Variants in WIPF1 observed in about 807,000 individuals in gnomAD.
WIPF1 encodes the protein WAS/WASL interacting protein family member 1.
In WIPF1, 13 loss-of-function variants were observed where a neutral mutation model predicts 35.4. The observed-to-expected ratio is 0.37, with a 90% confidence interval of 0.24 to 0.58. The LOEUF (loss-of-function observed/expected upper bound fraction) is 0.58. WIPF1 is among the 20% of genes least tolerant of loss of function. The pLI, the probability that WIPF1 is intolerant of heterozygous loss-of-function variation, is 0.74. For missense variants in WIPF1, 591 were observed against 667.0 expected (o/e 0.89, Z 1.25); for synonymous variants, 267 against 266.3 (o/e 1.00, Z -0.02).
chr2:174,564,814 TGC>T (rs1684594914), intron 7 of WIPF1, among the ~76,000 whole-genome samples: 2 of 94,986 alleles, frequency 2.1e-5, no homozygotes, highest in African/African-American at 3.8e-5. Context: ...CTTCTTCTGG[TGC>T]ACACACACAC....
intron 1 of WIPF1, chr2:174,665,222 T>C (rs1163355253): frequency 6.6e-6 from 1 of 152,196 alleles, no homozygotes; most frequent in African/African-American, 2.4e-5. Flanking sequence ...TCATTCTGGT[T>C]TTTTGCTCCT....
At chr2:174,664,402 A>G (rs1389309428) in intron 1 of WIPF1, among the ~76,000 whole-genome samples, 1 of 152,196 alleles carries the variant, frequency 6.6e-6, no homozygotes, top group African/African-American at 2.4e-5. Context: ...ACTTGAAACA[A>G]AGACTCCATT....
intron 1 of WIPF1, among the ~76,000 whole-genome samples, chr2:174,664,900 T>G (rs1206529968): frequency 6.6e-6 from 1 of 152,118 alleles, no homozygotes; most frequent in Non-Finnish European, 1.5e-5. Flanking sequence ...CCAAAAGTGC[T>G]GGAATTACAG....
intron 1 of WIPF1, among the ~76,000 whole-genome samples, chr2:174,621,374 G>C (rs1229228151): frequency 1.3e-5 from 2 of 152,184 alleles, no homozygotes; most frequent in Non-Finnish European, 2.9e-5. Context: ...TGAGGTATCA[G>C]AAAGTGAATG....
At chr2:174,651,228 G>A (rs1687526615) in intron 1 of WIPF1, among the ~76,000 whole-genome samples, 1 of 152,050 alleles carries the variant, frequency 6.6e-6, no homozygotes, top group African/African-American at 2.4e-5. Context: ...TCCTGTATAT[G>A]CTCAGATTAC....
chr2:174,605,436 TCAAA>T (rs540966942), intron 1 of WIPF1, among the ~76,000 whole-genome samples: 4 of 152,242 alleles, frequency 2.6e-5, no homozygotes, highest in Middle Eastern at 3.4e-3. Flanking sequence ...AGACTCTGTG[TCAAA>T]CAAACAAACA....
intron 1 of WIPF1, among the ~76,000 whole-genome samples, chr2:174,629,515 G>A (rs778372191): frequency 1.3e-5 from 2 of 152,154 alleles, no homozygotes; most frequent in Non-Finnish European, 2.9e-5. Flanking sequence ...TGGCAGAGGC[G>A]AAAGTAGGGA....
intron 1 of WIPF1, among the ~76,000 whole-genome samples, chr2:174,605,209 C>T (rs1465164026): frequency 2.0e-5 from 3 of 152,212 alleles, no homozygotes; most frequent in Non-Finnish European, 2.9e-5. Flanking sequence ...CAGAGGCAGG[C>T]GGATCACAAT....
At chr2:174,636,093 G>T (rs1687176881) in intron 1 of WIPF1, among the ~76,000 whole-genome samples, 1 of 152,172 alleles carries the variant, frequency 6.6e-6, no homozygotes, top group African/African-American at 2.4e-5. Flanking sequence ...GTACAATTTT[G>T]CCATCTTGGA....
In WIPF1 at chr2:174,561,643, T is replaced by C. The variant is rs2105782645; in HGVS notation, c.*904A>G. 6.2e-6 allele frequency: 1 copy of C among 160,996 alleles called. No individual in the cohort carries two copies. Among genetic ancestry groups the C allele is most frequent in the South Asian group, 1.6e-4 (1 of 6,104 alleles). The allele number at this position is 160,996 out of a possible 1,614,324, so 10.0% of individuals were successfully genotyped here. A position where few individuals can be genotyped will look rare whatever the true frequency, so the allele number is the denominator to read the frequency against. ...GAGGAAAATCGAAGGTCAAACTGTG[T>C]GTCAAACAAGGTGCTGGGTCCTAAT... On this transcript the variant is annotated 3_prime_UTR_variant, in exon 8 of 8. Transcript: ENST00000679041.
chr2:174,614,473 T>C (rs1023654186), intron 1 of WIPF1, among the ~76,000 whole-genome samples: 5 of 151,906 alleles, frequency 3.3e-5, no homozygotes, highest in Non-Finnish European at 7.4e-5. Flanking sequence ...AGAGAGAAAA[T>C]AGGCCTTGAG....
At chr2:174,632,174 C>T (rs1227152187) in intron 1 of WIPF1, among the ~76,000 whole-genome samples, 2 of 152,210 alleles carry the variant, frequency 1.3e-5, no homozygotes, top group Non-Finnish European at 2.9e-5. Flanking sequence ...ACTCCAGGTG[C>T]TCTCTACCAC....
chr2:174,598,290 G>A (rs1574823303), upstream of WIPF1: 7 of 152,144 alleles, frequency 4.6e-5, no homozygotes, highest in South Asian at 1.5e-3. Flanking sequence ...AGGCAAATGA[G>A]GTTCTTTTTT....
chr2:174,571,347 T>C lies in WIPF1; in HGVS notation c.1129+329A>G. 1.8e-6 allele frequency: 1 copy of C among 547,544 alleles called. No homozygotes were observed. Among genetic ancestry groups the C allele is most frequent in the Non-Finnish European group, 3.2e-6 (1 of 311,110 alleles). The allele number at this position is 547,544 out of a possible 1,614,324, so 33.9% of individuals were successfully genotyped here. On this transcript the variant is annotated intron_variant, in intron 5 of 7. Transcript: ENST00000679041. The surrounding 1 kb of genome is among the most constrained non-coding windows in gnomAD (Gnocchi z 4.6). ...CCCAATTAAGACCGCCGAAATTCTC[T>C]CTAGGGAGGCAGGGTAGTGGACTGG... is the stretch of plus-strand genomic sequence containing the variant.
At position 174,567,973 on chromosome 2, in the gene WIPF1, G is replaced by A. The variant is rs1334845649; in HGVS notation, c.1230C>T (p.Pro410=). 11 of 1,613,990 alleles carry A rather than the reference G, an allele frequency of 6.8e-6. No individual in the cohort carries two copies. The Admixed American group carries it at 1.8e-4, about 27-fold the overall frequency. The change falls in exon 6 of 8, where the codon CCC becomes CCT. Residue 410 remains proline, a synonymous_variant. Coordinates refer to ENST00000679041, the MANE Select transcript of WIPF1 (RefSeq NM_001375834.1). The part of the protein sequence containing the change: ...QLPSRSGVDS[P]RSGPRPPLPP... ...GAAGGGGAGGCCTGGGTCCACTCCT[G>A]GGACTGTCTACTCCACTCCTGGATG...
At chr2:174,594,149 A>T (rs1685721636) in intron 1 of WIPF1, among the ~76,000 whole-genome samples, 1 of 152,244 alleles carries the variant, frequency 6.6e-6, no homozygotes, top group Non-Finnish European at 1.5e-5. Context: ...ACGTCTGATT[A>T]GGTTGTCTTC....
chr2:174,668,493 G>A (rs1238692880), intron 1 of WIPF1, among the ~76,000 whole-genome samples: 2 of 152,128 alleles, frequency 1.3e-5, no homozygotes, highest in Non-Finnish European at 2.9e-5. Flanking sequence ...TTGATAATGT[G>A]ACACTAGTCA....
intron 2 of WIPF1, among the ~76,000 whole-genome samples, chr2:174,583,137 G>A (rs1322335422): frequency 6.6e-6 from 1 of 152,200 alleles, no homozygotes. Context: ...ACACACCGCT[G>A]AAGCATGCTT....
intron 3 of WIPF1, among the ~76,000 whole-genome samples, chr2:174,576,028 G>A (rs972565714): frequency 4.6e-5 from 7 of 152,080 alleles, no homozygotes; most frequent in Admixed American, 6.5e-5. Flanking sequence ...TGAGACTGGA[G>A]GATAGCTTAG....
Sources: gnomAD v4.1 joint callset for allele counts (sites outside exome capture counted in the v4.1 genomes callset) on GRCh38, gnomAD v4.1.1 for gene constraint, Gnocchi (gnomAD v3.1) non-coding constraint, MANE v1.5 for transcripts, NCBI Gene and HGNC (gene_info 2026-07-23, HGNC 2026-07-21) for gene names.